The following DNAH3 variants were observed in gnomAD, a reference collection of about 807,000 sequenced individuals.
The protein encoded by DNAH3 is dynein axonemal heavy chain 3.
A neutral mutation model predicts 432.5 loss-of-function variants in DNAH3; 332 were observed. The observed-to-expected ratio is 0.77, with a 90% CI of 0.70 to 0.84. The LOEUF is 0.84. Ranked by LOEUF, DNAH3 falls within the 40% of genes least tolerant of loss-of-function variation. The pLI, the probability that DNAH3 is intolerant of heterozygous loss-of-function variation, is 0.00. For synonymous variants in DNAH3, 1,956 were observed against 1,900.2 expected (o/e 1.03, Z -0.76); for missense variants, 4,861 against 5,114.0 (o/e 0.95, Z 1.51).
At chr16:20,989,720 C>T (rs946408612) in intron 44 of DNAH3, among the ~76,000 whole-genome samples, 2 of 152,242 alleles carry the variant, frequency 1.3e-5, no homozygotes, top group Non-Finnish European at 2.9e-5. Context: ...AGGCTTGGGC[C>T]GCACAGAGCC....
intron 9 of DNAH3, among the ~76,000 whole-genome samples, chr16:21,124,185 C>T (rs1197655607): frequency 6.6e-6 from 1 of 152,080 alleles, no homozygotes; most frequent in Admixed American, 6.6e-5. Context: ...TAGAGGTGCC[C>T]CTTGCCAAGA....
intron 11 of DNAH3, among the ~76,000 whole-genome samples, chr16:21,120,264 A>C (rs527965322): frequency 5.9e-5 from 9 of 151,904 alleles, no homozygotes; most frequent in African/African-American, 2.2e-4. Context: ...CCACCACCCC[A>C]GCTAATTTAA....
intron 20 of DNAH3, among the ~76,000 whole-genome samples, chr16:21,075,762 A>G (rs1172631136): frequency 6.6e-6 from 1 of 151,538 alleles, no homozygotes. Context: ...AAAACACAAA[A>G]ATTAGCCAGG....
rs748871692 is a variant in DNAH3 at position 20,987,836 on chromosome 16, G to A, written c.6739C>T (p.Leu2247=). ...TAAATTGTCTTAGTAGCTTGGACCAGCATCTTTCCGTACCTTGGGAGGAAA... is the reference window on the plus strand; with the variant it reads ...TAAATTGTCTTAGTAGCTTGGACCAACATCTTTCCGTACCTTGGGAGGAAA... Residue 2247 remains leucine, a synonymous_variant, in exon 46 of 62, where the codon CTG becomes TTG. Coordinates refer to ENST00000261383, the Ensembl canonical transcript of DNAH3. 11 of 1,614,030 alleles carry A rather than the reference G, an allele frequency of 6.8e-6. No homozygotes were observed. The East Asian group carries it at 8.9e-5, about 13-fold the overall frequency.
rs9302391 is a variant in DNAH3, at chr16:21,139,320, C to CTTTTTTTTTTTTTTT, written c.696+1201_696+1215dup. 8.4e-3 allele frequency among the ~76,000 whole-genome samples: 248 copies of CTTTTTTTTTTTTTTT among 29,636 alleles called. 54 individuals are homozygous for CTTTTTTTTTTTTTTT. The highest frequency in any genetic ancestry group is 0.014 in the East Asian group (10 of 702). 19.4% of individuals were successfully genotyped at this position (29,636 alleles called of 152,430 possible). On this transcript the variant is annotated intron_variant, in intron 5 of 61. Coordinates refer to ENST00000261383, the Ensembl canonical transcript of DNAH3. ...AATGTAGCTTGAGACTTTCCTCATG[C>CTTTTTTTTTTTTTTT]TTTTTTTTTTTTTTTTTTTTTTTTT...
intron 36 of DNAH3, among the ~76,000 whole-genome samples, chr16:21,031,539 C>G (rs2088873232): frequency 6.6e-6 from 1 of 151,508 alleles, no homozygotes; most frequent in South Asian, 2.1e-4. Flanking sequence ...GAAATGGAGG[C>G]TGCAGTGAGC....
chr16:20,955,892 CT>C (rs541593663), intron 54 of DNAH3, among the ~76,000 whole-genome samples: 9 of 151,378 alleles, frequency 5.9e-5, no homozygotes, highest in Non-Finnish European at 1.3e-4. Flanking sequence ...ATCTGAGGCT[CT>C]TTTTTTTCAT....
intron 41 of DNAH3, among the ~76,000 whole-genome samples, chr16:21,007,440 T>C (rs558548284): frequency 6.6e-6 from 1 of 152,264 alleles, no homozygotes; most frequent in East Asian, 1.9e-4. Flanking sequence ...CTCAAAATCC[T>C]GGGCTCAAGT....
At chr16:20,933,466 A>G in exon 62 of DNAH3, 1 of 1,611,192 alleles carries the variant, frequency 6.2e-7, no homozygotes. Context: ...TGTAGGCCCC[A>G]TCTTCGGGGT....
At chr16:21,152,991 C>T (rs976679648) in intron 1 of DNAH3, among the ~76,000 whole-genome samples, 3 of 152,326 alleles carry the variant, frequency 2.0e-5, no homozygotes, top group Admixed American at 6.5e-5. Flanking sequence ...GGGCCCACGG[C>T]GCGGGACTGG....
chr16:21,021,267 G>T (rs571217791), intron 40 of DNAH3, among the ~76,000 whole-genome samples: 2 of 152,258 alleles, frequency 1.3e-5, no homozygotes, highest in South Asian at 4.1e-4. Context: ...GAAAGTGCTG[G>T]ATCAATAAGT....
rs762576814 is a variant in DNAH3, at chr16:21,049,643, C to G, written c.4387G>C (p.Ala1463Pro). 13 of 1,614,072 alleles carry G rather than the reference C, an allele frequency of 8.1e-6. No homozygotes were observed. In the South Asian group the frequency reaches 1.3e-4, roughly 16 times the overall value. The change falls in exon 31 of 62, where the codon GCT becomes CCT. Residue 1463 changes from alanine (A) to proline (P), a missense_variant. Ala to Pro is a conservative substitution (Grantham distance 27). Coordinates refer to ENST00000261383, the Ensembl canonical transcript of DNAH3. ...AGCCCCTTGAAGAACTTCCCCATAG[C>G]TTTGTAATCCAAACCATCGGAGCAG... is the stretch of plus-strand genomic sequence containing the variant.
intron 1 of DNAH3, among the ~76,000 whole-genome samples, chr16:21,153,721 A>T (rs1361069728): frequency 6.6e-6 from 1 of 152,058 alleles, no homozygotes; most frequent in Non-Finnish European, 1.5e-5. Context: ...CGAGCATCAG[A>T]AGGAACAAAC....
intron 3 of DNAH3, 57 bp from the exon 5 acceptor site, chr16:21,141,429 C>T (rs768496311): frequency 3.2e-5 from 41 of 1,284,314 alleles, no homozygotes; most frequent in African/African-American, 5.9e-5. Context: ...GGCCATTCTC[C>T]GTCCACAGGG....
chr16:21,023,434 G>C lies in DNAH3; in HGVS notation c.5646+1162C>G, dbSNP rs370821669. Among the ~76,000 whole-genome samples the C allele has an allele frequency of 9.8e-5, 15 of 152,308 alleles. No individual in the cohort carries two copies. The South Asian group carries it at 2.5e-3, about 25-fold the overall frequency. ...AACGTGTTATGGTGAAGAATAACAG[G>C]AAGGGTTTAAATAGGGTAAAGAAGC... On this transcript the variant is annotated intron_variant, in intron 39 of 61. Coordinates refer to ENST00000261383, the Ensembl canonical transcript of DNAH3.
chr16:20,989,141 T>G (rs937329343), intron 44 of DNAH3, among the ~76,000 whole-genome samples: 5 of 152,210 alleles, frequency 3.3e-5, no homozygotes, highest in Admixed American at 6.5e-5. Context: ...AGCCTGCTTT[T>G]ATTCTCTTAT....
intron 55 of DNAH3, among the ~76,000 whole-genome samples, chr16:20,953,106 T>G (rs2084388411): frequency 6.6e-6 from 1 of 152,000 alleles, no homozygotes; most frequent in South Asian, 2.1e-4. Flanking sequence ...AAACCTGTGC[T>G]CAATAGGGAA....
In DNAH3 at chr16:20,997,475, A is replaced by G; in HGVS notation, c.6422-13T>C. 1 of 1,613,274 alleles carries G rather than the reference A, an allele frequency of 6.2e-7. No individual in the cohort carries two copies. The highest frequency in any genetic ancestry group is 8.5e-7 in the Non-Finnish European group (1 of 1,179,518). ...ATGTTGAGGTCATCTGGGGAAAGAA[A>G]CCACAGATACAGCCATTGCAAGTTC... On this transcript the variant is annotated splice_polypyrimidine_tract_variant and intron_variant, in intron 43 of 61. Transcript: ENST00000261383.
chr16:20,984,212 T>C (rs183294853), intron 48 of DNAH3, among the ~76,000 whole-genome samples: 5 of 147,244 alleles, frequency 3.4e-5, no homozygotes, highest in Non-Finnish European at 7.4e-5. Context: ...TGCGTGCGTG[T>C]GTGTGTGTGT....
Sources: allele counts gnomAD v4.1 joint callset (sites outside exome capture counted in the v4.1 genomes callset), GRCh38; gene constraint gnomAD v4.1.1; transcripts MANE v1.5; gene names NCBI Gene and HGNC (gene_info 2026-07-23, HGNC 2026-07-21).